REG4: variants seen among roughly 807,000 people sequenced by gnomAD.
REG4 encodes the protein regenerating islet-derived protein 4.
In REG4, 16 loss-of-function variants were observed where a neutral mutation model predicts 22.3. The ratio of observed to expected loss-of-function variants is 0.72; its 90% CI spans 0.49 to 1.09. The LOEUF (loss-of-function observed/expected upper bound fraction) is 1.09. Ranked by LOEUF, REG4 falls within the 50% of genes least tolerant of loss-of-function variation. REG4 has a pLI of 0.00. For missense variants in REG4, 214 were observed against 193.9 expected (o/e 1.10, Z -0.61); for synonymous variants, 71 against 69.2 (o/e 1.03, Z -0.13).
At chr1:119,810,110 T>A (rs587727100) in intron 1 of REG4, among the ~76,000 whole-genome samples, 271 of 152,274 alleles carry the variant, frequency 1.8e-3, no homozygotes, top group African/African-American at 6.2e-3. Flanking sequence ...TTCTCTTACT[T>A]ATTATAATTT....
At chr1:119,795,270 G>A (rs1482412311) in intron 5 of REG4, among the ~76,000 whole-genome samples, 2 of 152,144 alleles carry the variant, frequency 1.3e-5, no homozygotes, top group African/African-American at 4.8e-5. Flanking sequence ...GGAAAGGCAG[G>A]GGTTGACATG....
At chr1:119,801,161 G>A (rs912363504) in intron 3 of REG4, 10 of 152,106 alleles carry the variant, frequency 6.6e-5, no homozygotes, top group African/African-American at 2.4e-4. Flanking sequence ...CACGGCAAAT[G>A]TTTATATATA....
chr1:119,799,856 A>C lies in REG4; in HGVS notation c.172T>G (p.Cys58Gly). The C allele has an allele frequency of 6.2e-7, 1 of 1,613,900 alleles. No homozygotes were observed. Among genetic ancestry groups the C allele is most frequent in the Non-Finnish European group, 8.5e-7 (1 of 1,180,010 alleles). Residue 58 changes from cysteine to glycine, a missense_variant, in exon 4 of 6, where the codon TGT becomes GGT. Transcript: ENST00000256585. ...LRNWSDAELE[C>G]QSYGNGAHLA... is the part of the protein sequence containing the mutation. ...TGGGCTCCGTTTCCGTAAGACTGAC[A>C]CTCGAGCTATGTACAAGGAGAGGTC...
intron 2 of REG4, among the ~76,000 whole-genome samples, chr1:119,807,586 C>A (rs923771536): frequency 7.2e-5 from 11 of 152,082 alleles, no homozygotes; most frequent in African/African-American, 1.5e-4. Flanking sequence ...CCACAGAAGG[C>A]AGCTCTGCAG....
At chr1:119,811,017 G>T (rs974160720) in intron 1 of REG4, among the ~76,000 whole-genome samples, 3 of 152,118 alleles carry the variant, frequency 2.0e-5, no homozygotes, top group Admixed American at 2.0e-4. Flanking sequence ...TTGCACCATT[G>T]CTCTCCAGCC....
rs1246349232 is a variant in REG4, at chr1:119,802,543, T to C, written c.165+525A>G. 23 of 1,119,752 alleles carry C rather than the reference T, an allele frequency of 2.1e-5. No homozygotes were observed. In the South Asian group the frequency reaches 4.9e-4, roughly 24 times the overall value. The allele number at this position is 1,119,752 out of a possible 1,614,324, so 69.4% of individuals were successfully genotyped here. ...TGAGATAACTTACTTTGACTGTCTA[T>C]TTGGTTATCTCTCAGACAAAGCTTC... On this transcript the variant is annotated intron_variant, in intron 3 of 5. Coordinates refer to ENST00000256585, the MANE Select transcript of REG4 (RefSeq NM_032044.4).
intron 4 of REG4, 129 bp from the exon 5 acceptor site, chr1:119,798,731 G>A: frequency 5.0e-6 from 3 of 601,052 alleles, no homozygotes; most frequent in Admixed American, 2.8e-5. Context: ...AATGCTTAAA[G>A]AAGGAAAAAG....
At chr1:119,796,406 G>A (rs907554281) in intron 5 of REG4, among the ~76,000 whole-genome samples, 1 of 152,164 alleles carries the variant, frequency 6.6e-6, no homozygotes, top group African/African-American at 2.4e-5. Flanking sequence ...ACATTTTGAT[G>A]TAAAGGGGAG....
chr1:119,799,963 C>T (rs1409996286), intron 3 of REG4, 101 bp from the exon 4 acceptor site: 77 of 1,418,816 alleles, frequency 5.4e-5, no homozygotes, highest in Non-Finnish European at 7.3e-5. Context: ...TCACGCAGCC[C>T]CCACTTCCTC....
chr1:119,804,181 A>G (rs587675567), intron 2 of REG4, among the ~76,000 whole-genome samples: 2 of 152,312 alleles, frequency 1.3e-5, no homozygotes, highest in Non-Finnish European at 2.9e-5. Flanking sequence ...GTTTCCTTCC[A>G]TAAGGGAGGT....
chr1:119,794,639 G>A lies in REG4; in HGVS notation c.456C>T (p.Phe152=), dbSNP rs1653879659. ...TGCTCTATGGTCGGTACTTGCACAGGAAGTGTTGGCGCTTGTTGCATTCGT... is the reference window on the plus strand; with the variant it reads ...TGCTCTATGGTCGGTACTTGCACAGAAAGTGTTGGCGCTTGTTGCATTCGT... ...SSNECNKRQH[F]LCKYRP is the part of the protein sequence containing the mutation. Residue 152 remains phenylalanine, a synonymous_variant, in exon 6 of 6, where the codon TTC becomes TTT. Coordinates refer to ENST00000256585, the MANE Select transcript of REG4 (RefSeq NM_032044.4). 1 of 1,614,092 alleles carries A rather than the reference G, an allele frequency of 6.2e-7. No individual in the cohort carries two copies. Among genetic ancestry groups the A allele is most frequent in the African/African-American group, 1.3e-5 (1 of 74,946 alleles).
At chr1:119,808,971 G>C (rs1175929942) in intron 1 of REG4, 108 bp from the exon 2 acceptor site, 1 of 512,796 alleles carries the variant, frequency 2.0e-6, no homozygotes, top group Non-Finnish European at 3.4e-6. Flanking sequence ...ACTTTATAAT[G>C]AAGGGAATCT....
chr1:119,797,711 C>T (rs146519079), intron 5 of REG4, among the ~76,000 whole-genome samples: 1 of 152,314 alleles, frequency 6.6e-6, no homozygotes, highest in Non-Finnish European at 1.5e-5. Context: ...AATCATGGTT[C>T]TCACCAGGGG....
chr1:119,799,699 GC>G (rs1285219218), intron 4 of REG4, 25 bp downstream of exon 4: 2 of 1,606,836 alleles, frequency 1.2e-6, no homozygotes, highest in African/African-American at 2.7e-5. Context: ...TCCCAAGAGG[GC>G]CTTTGTGGCC....
intron 2 of REG4, among the ~76,000 whole-genome samples, chr1:119,804,960 T>C (rs2101073035): frequency 6.6e-6 from 1 of 152,294 alleles, no homozygotes; most frequent in Non-Finnish European, 1.5e-5. Flanking sequence ...ATTTTTATCA[T>C]AATTGCTTGA....
intron 5 of REG4, among the ~76,000 whole-genome samples, chr1:119,796,142 C>G (rs1653934657): frequency 6.6e-6 from 1 of 152,202 alleles, no homozygotes; most frequent in African/African-American, 2.4e-5. Context: ...ATTATTTCCT[C>G]CTTTTTATAA....
chr1:119,794,946 G>A (rs1653892447), intron 5 of REG4, among the ~76,000 whole-genome samples: 1 of 152,140 alleles, frequency 6.6e-6, no homozygotes, highest in Admixed American at 6.5e-5. Context: ...ATCAATTGAA[G>A]GCCTTAAGAG....
At chr1:119,807,083 T>C (rs587655534) in intron 2 of REG4, among the ~76,000 whole-genome samples, 2 of 152,224 alleles carry the variant, frequency 1.3e-5, no homozygotes, top group Non-Finnish European at 2.9e-5. Context: ...TTAGTGTCCA[T>C]AAATGATGTT....
At chr1:119,796,075 C>T (rs1371137376) in intron 5 of REG4, among the ~76,000 whole-genome samples, 1 of 152,170 alleles carries the variant, frequency 6.6e-6, no homozygotes, top group African/African-American at 2.4e-5. Context: ...GGCCACGGAG[C>T]CATTAGCCTA....
Sources: allele counts gnomAD v4.1 joint callset (sites outside exome capture counted in the v4.1 genomes callset), GRCh38; gene constraint gnomAD v4.1.1; transcripts MANE v1.5; gene names NCBI Gene and HGNC (gene_info 2026-07-23, HGNC 2026-07-21).